Variants in UGGT2 observed in about 807,000 individuals in gnomAD.
The protein encoded by UGGT2 is UDP-glucose:glycoprotein glucosyltransferase 2.
UGGT2 carries 180 observed loss-of-function variants against 192.1 expected under a neutral mutation model. The ratio of observed to expected loss-of-function variants is 0.94; its 90% CI spans 0.83 to 1.06. The LOEUF (loss-of-function observed/expected upper bound fraction) is 1.06. Ranked by LOEUF, UGGT2 falls within the 50% of genes least tolerant of loss-of-function variation. The pLI, the probability that UGGT2 is intolerant of heterozygous loss-of-function variation, is 0.00. For synonymous variants in UGGT2, 580 were observed against 591.0 expected, an observed-to-expected ratio of 0.98 and a Z score of 0.27; for missense variants, 1,849 against 1,795.7, an observed-to-expected ratio of 1.03 and a Z score of -0.54.
intron 29 of UGGT2, among the ~76,000 whole-genome samples, chr13:95,867,931 T>C (rs1387278158): frequency 1.3e-5 from 2 of 152,206 alleles, no homozygotes; most frequent in Admixed American, 6.5e-5. Context: ...CTGCATCACC[T>C]GAATGTTTCC....
chr13:95,949,475 T>G (rs780744479), intron 12 of UGGT2, 21 bp from the exon 13 acceptor site: 1 of 1,438,262 alleles, frequency 7.0e-7, no homozygotes, highest in Non-Finnish European at 9.2e-7. Flanking sequence ...ACGCAGACAC[T>G]TGTGAAAGCT....
chr13:95,964,653 T>C (rs778413267), intron 12 of UGGT2, among the ~76,000 whole-genome samples: 1 of 152,118 alleles, frequency 6.6e-6, no homozygotes, highest in African/African-American at 2.4e-5. Flanking sequence ...TCTGAATTTC[T>C]CATAAGAAAC....
intron 29 of UGGT2, among the ~76,000 whole-genome samples, chr13:95,873,931 GA>G (rs1461310456): frequency 6.6e-6 from 1 of 152,144 alleles, no homozygotes; most frequent in Non-Finnish European, 1.5e-5. Context: ...AGACAACTAT[GA>G]ATTAGACCAT....
At chr13:95,961,471 A>G (rs2050390275) in intron 12 of UGGT2, among the ~76,000 whole-genome samples, 1 of 152,164 alleles carries the variant, frequency 6.6e-6, no homozygotes. Flanking sequence ...ATCAGATAAA[A>G]CTTTAGGTCA....
intron 3 of UGGT2, 55 bp downstream of exon 3, chr13:96,023,574 A>G: frequency 3.9e-6 from 6 of 1,549,868 alleles, no homozygotes; most frequent in Non-Finnish European, 3.5e-6. Context: ...AAAGAACTCT[A>G]TGTACATTGC....
intron 27 of UGGT2, among the ~76,000 whole-genome samples, chr13:95,879,538 C>T (rs1050273447): frequency 3.9e-5 from 6 of 152,194 alleles, no homozygotes; most frequent in Admixed American, 2.0e-4. Flanking sequence ...CGGGCTTAAG[C>T]GATTCTCCCA....
At chr13:95,971,228 C>CA (rs1331854874) in intron 11 of UGGT2, among the ~76,000 whole-genome samples, 9 of 152,176 alleles carry the variant, frequency 5.9e-5, no homozygotes, top group Non-Finnish European at 1.3e-4. Context: ...TGGACGATTC[C>CA]AAAGTATTGG....
intron 7 of UGGT2, 28 bp from the exon 8 acceptor site, chr13:95,990,101 G>C (rs762674564): frequency 6.9e-7 from 1 of 1,455,336 alleles, no homozygotes; most frequent in Non-Finnish European, 9.5e-7. Flanking sequence ...GTGATGTTAA[G>C]TAGCATCACC....
intron 27 of UGGT2, among the ~76,000 whole-genome samples, chr13:95,881,913 CTT>C (rs71113958): frequency 3.5e-5 from 5 of 144,250 alleles, no homozygotes; most frequent in Admixed American, 6.9e-5. Flanking sequence ...TCACTTTTAG[CTT>C]TTTTTTTTTT....
chr13:95,947,637 G>C (rs1434933654), intron 14 of UGGT2, among the ~76,000 whole-genome samples: 2 of 151,888 alleles, frequency 1.3e-5, no homozygotes, highest in Non-Finnish European at 2.9e-5. Context: ...TTTTAGTAGA[G>C]ACGGGGTTTC....
chr13:95,951,059 T>C (rs561626950), intron 12 of UGGT2, among the ~76,000 whole-genome samples: 1 of 152,298 alleles, frequency 6.6e-6, no homozygotes, highest in Admixed American at 6.5e-5. Flanking sequence ...GAGTTTATTG[T>C]GGACTGAACT....
At chr13:96,052,114 A>G (rs1020095011) in intron 1 of UGGT2, among the ~76,000 whole-genome samples, 1 of 152,248 alleles carries the variant, frequency 6.6e-6, no homozygotes, top group Non-Finnish European at 1.5e-5. Flanking sequence ...TGTGGCATAT[A>G]TATGATGGAA....
At chr13:95,860,502 C>T (rs1482321775) in intron 32 of UGGT2, among the ~76,000 whole-genome samples, 1 of 147,344 alleles carries the variant, frequency 6.8e-6, no homozygotes, top group African/African-American at 2.5e-5. Context: ...AAAAAAAAAG[C>T]AAGGTGTAAA....
intron 5 of UGGT2, among the ~76,000 whole-genome samples, chr13:96,000,721 T>C: frequency 6.6e-6 from 1 of 152,186 alleles, no homozygotes; most frequent in East Asian, 1.9e-4. Context: ...TTCTGGAAAG[T>C]TATTAGCTCC....
At chr13:95,886,938 C>T (rs898600585) in intron 26 of UGGT2, among the ~76,000 whole-genome samples, 2 of 151,902 alleles carry the variant, frequency 1.3e-5, no homozygotes, top group African/African-American at 4.8e-5. Flanking sequence ...ACCTGTAGTC[C>T]CAGTTACTCA....
chr13:95,951,746 T>TA (rs2050069185), intron 12 of UGGT2, among the ~76,000 whole-genome samples: 1 of 152,202 alleles, frequency 6.6e-6, no homozygotes, highest in Non-Finnish European at 1.5e-5. Context: ...GAACATGGTA[T>TA]AAGCCAGCTT....
rs566177382 is a variant in UGGT2, at chr13:95,939,873, T to C, written c.1812+84A>G. On this transcript the variant is annotated intron_variant, in intron 16 of 38. Coordinates refer to ENST00000376747, the MANE Select transcript of UGGT2 (RefSeq NM_020121.4). ...CTGTTTCTGTGAGTCTGACTTTTTT[T>C]AAAGATTCTACATGAGTAGAGATCA... The C allele has an allele frequency of 3.4e-6, 4 of 1,184,568 alleles. No homozygotes were observed. The African/African-American group carries it at 4.8e-5, about 14-fold the overall frequency. The allele number at this position is 1,184,568 out of a possible 1,614,324, so 73.4% of individuals were successfully genotyped here.
chr13:95,839,695 T>A (rs1887660964), intron 36 of UGGT2, among the ~76,000 whole-genome samples: 1 of 152,182 alleles, frequency 6.6e-6, no homozygotes, highest in African/African-American at 2.4e-5. Context: ...CTGTTAAACA[T>A]TTTCATGACC....
At chr13:95,854,806 A>C (rs1889420873) in intron 34 of UGGT2, among the ~76,000 whole-genome samples, 1 of 152,124 alleles carries the variant, frequency 6.6e-6, no homozygotes, top group Admixed American at 6.6e-5. Context: ...CAGAGCTCTT[A>C]GTTTCTCAAT....
Sources: gnomAD v4.1 joint callset for allele counts (sites outside exome capture counted in the v4.1 genomes callset) on GRCh38, gnomAD v4.1.1 for gene constraint, MANE v1.5 for transcripts, NCBI Gene and HGNC (gene_info 2026-07-23, HGNC 2026-07-21) for gene names.